The following SCHIP1 variants were observed in gnomAD, a reference collection of about 807,000 sequenced individuals.
The protein encoded by SCHIP1 is schwannomin-interacting protein 1.
Under a neutral mutation model 29.7 loss-of-function variants are expected in SCHIP1, and 8 were observed. That is an observed-to-expected ratio of 0.27 (90% CI 0.16 to 0.49). The LOEUF (loss-of-function observed/expected upper bound fraction) is 0.49, where lower values mean the gene tolerates loss of function less well. Among genes scored for constraint, SCHIP1 ranks in the 20% least tolerant of loss-of-function variants. The pLI is 0.99. For synonymous variants in SCHIP1, 76 were observed against 94.9 expected (o/e 0.80, Z 1.16); for missense variants, 193 against 294.6 (o/e 0.66, Z 2.52).
chr3:159,711,261 T>G, the SCHIP1 span, among the ~76,000 whole-genome samples: 2 of 78,508 alleles, frequency 2.5e-5, no homozygotes, highest in Non-Finnish European at 4.1e-5. Context: ...CTTGGGAGGC[T>G]GAGGCAGGAG....
At chr3:159,732,937 T>G in the SCHIP1 span, among the ~76,000 whole-genome samples, 1 of 152,220 alleles carries the variant, frequency 6.6e-6, no homozygotes, top group Non-Finnish European at 1.5e-5. Flanking sequence ...GCAGCCTGGC[T>G]TGTTAGCCAT....
At chr3:159,457,695 C>A in the SCHIP1 span, among the ~76,000 whole-genome samples, 1 of 151,908 alleles carries the variant, frequency 6.6e-6, no homozygotes, top group Admixed American at 6.6e-5. Context: ...GTTCCAAGAC[C>A]CCCAGTGGCT....
chr3:159,274,729 A>G, the SCHIP1 span: 2 of 824,546 alleles, frequency 2.4e-6, no homozygotes, highest in Middle Eastern at 6.2e-4. Flanking sequence ...TTTCTAAGAG[A>G]ACATATTGTC....
the SCHIP1 span, among the ~76,000 whole-genome samples, chr3:159,605,697 T>C: frequency 6.6e-6 from 1 of 152,112 alleles, no homozygotes; most frequent in Non-Finnish European, 1.5e-5. Flanking sequence ...GTACAGATAA[T>C]CAAACTGATG....
chr3:159,853,526 TGAG>T (rs1712931997), intron 1 of SCHIP1: 1 of 614,322 alleles, frequency 1.6e-6, no homozygotes, highest in Non-Finnish European at 2.9e-6. Context: ...AGATCACCCT[TGAG>T]GAGTGGCCAA....
At chr3:159,515,733 G>C in the SCHIP1 span, among the ~76,000 whole-genome samples, 1 of 152,034 alleles carries the variant, frequency 6.6e-6, no homozygotes, top group South Asian at 2.1e-4. Flanking sequence ...TAAAGCTCTT[G>C]GGTTTTGGGA....
chr3:159,582,340 T>A, the SCHIP1 span, among the ~76,000 whole-genome samples: 2 of 151,974 alleles, frequency 1.3e-5, no homozygotes, highest in Non-Finnish European at 2.9e-5. Flanking sequence ...ATTTTTTTTT[T>A]ATTTTTAATA....
chr3:159,844,055 G>A (rs1391471585), intron 1 of SCHIP1, among the ~76,000 whole-genome samples: 1 of 152,128 alleles, frequency 6.6e-6, no homozygotes, highest in Admixed American at 6.5e-5. Flanking sequence ...CCCTGCCAGA[G>A]GCTGCCTTTC....
At chr3:159,887,777 G>A (rs777857410) in exon 4 of SCHIP1, 1 of 1,614,046 alleles carries the variant, frequency 6.2e-7, no homozygotes, top group South Asian at 1.1e-5. Flanking sequence ...GGATGACATG[G>A]ACTTCCTTAC....
At chr3:159,679,081 A>G in the SCHIP1 span, among the ~76,000 whole-genome samples, 143 of 152,156 alleles carry the variant, frequency 9.4e-4, 4 homozygotes, top group South Asian at 9.5e-3. Flanking sequence ...TATCTCCTCT[A>G]CCTCCCAATT....
the SCHIP1 span, chr3:159,764,794 G>T: frequency 7.1e-5 from 111 of 1,566,804 alleles, no homozygotes; most frequent in African/African-American, 1.3e-3. The surrounding 1 kb of genome is among the most constrained non-coding windows in gnomAD (Gnocchi z 6.1). Flanking sequence ...GGGCAGGAGC[G>T]CCACCACCGC....
At chr3:159,601,363 C>T in the SCHIP1 span, among the ~76,000 whole-genome samples, 1 of 152,138 alleles carries the variant, frequency 6.6e-6, no homozygotes, top group African/African-American at 2.4e-5. Flanking sequence ...ATGGAAGCAG[C>T]AACACAGCAC....
chr3:159,885,875 C>T (rs991394653), intron 2 of SCHIP1, among the ~76,000 whole-genome samples: 6 of 152,188 alleles, frequency 3.9e-5, no homozygotes, highest in African/African-American at 9.7e-5. Context: ...CCCGAGGACC[C>T]CATTCATCTT....
the SCHIP1 span, among the ~76,000 whole-genome samples, chr3:159,661,706 T>C: frequency 6.6e-6 from 1 of 152,206 alleles, no homozygotes; most frequent in Non-Finnish European, 1.5e-5. Flanking sequence ...CACCCTCTTG[T>C]AGCCTTGTCC....
the SCHIP1 span, among the ~76,000 whole-genome samples, chr3:159,676,557 A>G: frequency 6.6e-6 from 1 of 152,228 alleles, no homozygotes; most frequent in Non-Finnish European, 1.5e-5. Context: ...AGAATATTTG[A>G]AACTTCAAGT....
At chr3:159,332,863 G>A in the SCHIP1 span, among the ~76,000 whole-genome samples, 1 of 152,268 alleles carries the variant, frequency 6.6e-6, no homozygotes, top group Middle Eastern at 3.4e-3. Context: ...CAATTACAAA[G>A]CAGTTAAGTA....
At chr3:159,743,723 T>C in the SCHIP1 span, among the ~76,000 whole-genome samples, 1 of 152,194 alleles carries the variant, frequency 6.6e-6, no homozygotes, top group Non-Finnish European at 1.5e-5. Context: ...TAATGGGTCC[T>C]TGCTGTGAAG....
chr3:159,381,527 A>G, the SCHIP1 span, among the ~76,000 whole-genome samples: 1 of 152,170 alleles, frequency 6.6e-6, no homozygotes, highest in Non-Finnish European at 1.5e-5. Context: ...AGATTTATGG[A>G]GAATATGAAC....
At chr3:159,882,567 C>T (rs1240883726) in intron 2 of SCHIP1, among the ~76,000 whole-genome samples, 1 of 152,218 alleles carries the variant, frequency 6.6e-6, no homozygotes, top group African/African-American at 2.4e-5. Context: ...ACCACTGCTC[C>T]TCTAGAAGTC....
Sources: allele counts gnomAD v4.1 joint callset (sites outside exome capture counted in the v4.1 genomes callset), GRCh38; gene constraint gnomAD v4.1.1; non-coding constraint Gnocchi (gnomAD v3.1); transcripts MANE v1.5; gene names NCBI Gene and HGNC (gene_info 2026-07-23, HGNC 2026-07-21).